The following NAALADL2 variants were observed in gnomAD, a reference collection of about 807,000 sequenced individuals.
NAALADL2 encodes N-acetylated alpha-linked acidic dipeptidase like 2.
NAALADL2 carries 76 observed loss-of-function variants against 87.2 expected under a neutral mutation model. That is an observed-to-expected ratio of 0.87 (90% CI 0.72 to 1.05). The LOEUF (loss-of-function observed/expected upper bound fraction) is 1.05. Among genes scored for constraint, NAALADL2 ranks in the 50% least tolerant of loss-of-function variants. The pLI is 0.00. For missense variants in NAALADL2, 1,089 were observed against 945.8 expected, an observed-to-expected ratio of 1.15 and a Z score of -1.99; for synonymous variants, 354 against 331.0, an observed-to-expected ratio of 1.07 and a Z score of -0.75.
intron 1 of NAALADL2, among the ~76,000 whole-genome samples, chr3:174,870,744 A>T (rs763498269): frequency 3.9e-5 from 6 of 152,184 alleles, no homozygotes; most frequent in Admixed American, 2.6e-4. Context: ...AGAATTTTCC[A>T]GGAGAGTACT....
chr3:174,993,470 T>C (rs1426974411), intron 1 of NAALADL2, among the ~76,000 whole-genome samples: 1 of 151,972 alleles, frequency 6.6e-6, no homozygotes, highest in Non-Finnish European at 1.5e-5. Flanking sequence ...AAGTATAAAA[T>C]TGTAATTAAA....
rs1342165577 is a variant in NAALADL2 at position 174,949,815 on chromosome 3, GGAA to G, written c.43+90373_43+90375del. 1.1e-4 allele frequency among the ~76,000 whole-genome samples: 16 copies of G among 152,286 alleles called. No individual in the cohort carries two copies. In the East Asian group the frequency reaches 1.2e-3, roughly 11 times the overall value. On this transcript the variant is annotated intron_variant, in intron 1 of 13. Coordinates refer to ENST00000454872, the MANE Select transcript of NAALADL2 (RefSeq NM_207015.3). Reference sequence around the variant, plus strand: ...ACAGAATATGTCTTCACTGCTATTCGGAAGAAGAAGTGTGGAGCAAGAGTAATA... The same window carrying G: ...ACAGAATATGTCTTCACTGCTATTCGGAAGAAGTGTGGAGCAAGAGTAATA...
intron 5 of NAALADL2, among the ~76,000 whole-genome samples, chr3:175,381,514 A>G (rs1767779436): frequency 6.6e-6 from 1 of 152,088 alleles, no homozygotes; most frequent in Non-Finnish European, 1.5e-5. Flanking sequence ...AATTATTTAC[A>G]TATTTTAAAT....
At chr3:174,785,471 T>C (rs1716528386) in intron 3 of NAALADL2, among the ~76,000 whole-genome samples, 1 of 152,232 alleles carries the variant, frequency 6.6e-6, no homozygotes, top group African/African-American at 2.4e-5. Context: ...ACTTTATTTC[T>C]GGGTTCTCTA....
chr3:174,912,130 T>G (rs1339381230), intron 1 of NAALADL2, among the ~76,000 whole-genome samples: 1 of 152,052 alleles, frequency 6.6e-6, no homozygotes, highest in Non-Finnish European at 1.5e-5. Flanking sequence ...CTATATTTGA[T>G]ATTGGTAGTT....
At chr3:174,724,159 T>G (rs538377076) in intron 2 of NAALADL2, among the ~76,000 whole-genome samples, 4 of 152,262 alleles carry the variant, frequency 2.6e-5, no homozygotes, top group African/African-American at 7.2e-5. Context: ...AACTAAAATA[T>G]GAAAGTCTTG....
At chr3:174,679,748 A>C (rs1727357072) in intron 2 of NAALADL2, among the ~76,000 whole-genome samples, 1 of 152,196 alleles carries the variant, frequency 6.6e-6, no homozygotes, top group South Asian at 2.1e-4. Flanking sequence ...ATTAAGGAGG[A>C]ATTTGGAATA....
chr3:175,152,412 A>G (rs1731681123), intron 2 of NAALADL2, among the ~76,000 whole-genome samples: 1 of 152,184 alleles, frequency 6.6e-6, no homozygotes, highest in African/African-American at 2.4e-5. Flanking sequence ...GCTATGGTCC[A>G]TGAAAAATTA....
chr3:175,559,082 T>C (rs12696378), intron 9 of NAALADL2, among the ~76,000 whole-genome samples: 3,575 of 152,208 alleles, frequency 0.023, 103 homozygotes, highest in Admixed American at 0.062. Context: ...TTATTTTTTG[T>C]TGTCCTCTTC....
At chr3:175,352,781 G>T (rs1763915228) in intron 5 of NAALADL2, among the ~76,000 whole-genome samples, 1 of 152,110 alleles carries the variant, frequency 6.6e-6, no homozygotes, top group African/African-American at 2.4e-5. Flanking sequence ...AATGTTTTAT[G>T]TCAAAATTGT....
Position 175,786,230 on chromosome 3 carries a change from G to A in NAALADL2, c.2190-16775G>A, listed in dbSNP as rs1751938518. On this transcript the variant is annotated intron_variant, in intron 13 of 13. Transcript: ENST00000454872. The stretch of plus-strand genomic sequence containing the variant: ...CTTTGTGGCGTTCTCTGTATTTCCT[G>A]AATCTGAACCTTGGCCTGCCTTGCT... Among the ~76,000 whole-genome samples the A allele has an allele frequency of 2.0e-5, 3 of 151,960 alleles. No individual in the cohort carries two copies. In the South Asian group the frequency reaches 6.2e-4, roughly 32 times the overall value.
chr3:174,570,440 T>C (rs1310770017), intron 2 of NAALADL2, among the ~76,000 whole-genome samples: 1 of 152,188 alleles, frequency 6.6e-6, no homozygotes, highest in African/African-American at 2.4e-5. Context: ...AAATAAACAA[T>C]TTATTAGATT....
At chr3:174,768,911 A>G (rs1313413974) in intron 3 of NAALADL2, among the ~76,000 whole-genome samples, 2 of 151,918 alleles carry the variant, frequency 1.3e-5, no homozygotes, top group Non-Finnish European at 2.9e-5. Context: ...ATTTAATGCT[A>G]TTATACATTT....
intron 9 of NAALADL2, among the ~76,000 whole-genome samples, chr3:175,499,082 A>C (rs1729195235): frequency 6.6e-6 from 1 of 152,044 alleles, no homozygotes; most frequent in South Asian, 2.1e-4. Context: ...TTTTCTTTGT[A>C]TTTCACTGTA....
chr3:175,788,649 A>G (rs1042261779), intron 13 of NAALADL2, among the ~76,000 whole-genome samples: 7 of 152,222 alleles, frequency 4.6e-5, no homozygotes, highest in African/African-American at 1.4e-4. Context: ...TGATGCATTT[A>G]TCAGAGCATA....
intron 2 of NAALADL2, among the ~76,000 whole-genome samples, chr3:174,594,526 A>G (rs1717686607): frequency 6.6e-6 from 1 of 152,160 alleles, no homozygotes; most frequent in Non-Finnish European, 1.5e-5. Flanking sequence ...TAAAGACTAC[A>G]ACATATAGTA....
At chr3:174,485,367 G>C (rs948484890) in intron 1 of NAALADL2, among the ~76,000 whole-genome samples, 1 of 151,298 alleles carries the variant, frequency 6.6e-6, no homozygotes, top group Non-Finnish European at 1.5e-5. Flanking sequence ...TGTCATGGGG[G>C]TTTGTTTTAC....
rs542192876 is a variant in NAALADL2 at position 175,467,147 on chromosome 3, C to T, written c.1496C>T (p.Thr499Ile). 9 of 1,613,804 alleles carry T rather than the reference C, an allele frequency of 5.6e-6. No individual in the cohort carries two copies. The highest frequency in any genetic ancestry group is 6.8e-6 in the Non-Finnish European group (8 of 1,179,802). The stretch of plus-strand genomic sequence containing the variant: ...ATTGTTTTCTGTTCTTGGGGAGGAA[C>T]AGCTTTTGGCAATATTGGCTCATAT... ...RTIVFCSWGG[T>I]AFGNIGSYEW... Residue 499 changes from threonine to isoleucine, a missense_variant, in exon 8 of 14, where the codon ACA (threonine) becomes ATA (isoleucine). Coordinates refer to ENST00000454872, the MANE Select transcript of NAALADL2 (RefSeq NM_207015.3).
intron 1 of NAALADL2, among the ~76,000 whole-genome samples, chr3:174,971,780 C>G (rs989449861): frequency 6.6e-6 from 1 of 152,006 alleles, no homozygotes; most frequent in Non-Finnish European, 1.5e-5. Context: ...TTACTGCAAC[C>G]TCTGCCTCCT....
Sources: gnomAD v4.1 joint callset for allele counts (sites outside exome capture counted in the v4.1 genomes callset) on GRCh38, gnomAD v4.1.1 for gene constraint, MANE v1.5 for transcripts, NCBI Gene and HGNC (gene_info 2026-07-23, HGNC 2026-07-21) for gene names.